Variants in NRG1 observed in about 807,000 individuals in gnomAD.
NRG1 encodes neuregulin 1.
NRG1 carries 18 observed loss-of-function variants against 63.8 expected under a neutral mutation model. The ratio of observed to expected loss-of-function variants is 0.28; its 90% CI spans 0.19 to 0.42. The LOEUF is 0.42. NRG1 is among the 10% of genes least tolerant of loss of function. The pLI is 1.00. For synonymous variants in NRG1, 302 were observed against 301.3 expected (o/e 1.00, Z -0.02); for missense variants, 762 against 814.7 (o/e 0.94, Z 0.79).
At position 31,962,660 on chromosome 8, in the gene NRG1, C is replaced by T. The variant is rs369693217; in HGVS notation, c.37+323229C>T. Among the ~76,000 whole-genome samples, 77 of 152,216 alleles carry T rather than the reference C, an allele frequency of 5.1e-4. No individual in the cohort carries two copies. In the South Asian group the frequency reaches 8.1e-3, roughly 16 times the overall value. The stretch of plus-strand genomic sequence containing the variant: ...CAATCCCTTGTCTAGGGAACCAGTT[C>T]GGATTAAACAAAATTTCAAAAATAC... On this transcript the variant is annotated intron_variant, in intron 1 of 10. Coordinates refer to the NRG1 transcript ENST00000519301.
chr8:32,435,426 G>A (rs1053061797), intron 1 of NRG1, among the ~76,000 whole-genome samples: 2 of 152,180 alleles, frequency 1.3e-5, no homozygotes, highest in Admixed American at 1.3e-4. Context: ...GCTTTGTGTA[G>A]GGTAATTGTT....
chr8:32,206,553 TAGAAA>T (rs1461765664), intron 1 of NRG1, among the ~76,000 whole-genome samples: 3 of 152,204 alleles, frequency 2.0e-5, no homozygotes, highest in Non-Finnish European at 4.4e-5. Context: ...TACTAATACT[TAGAAA>T]AGAAAAGTCT....
intron 1 of NRG1, among the ~76,000 whole-genome samples, chr8:31,913,578 G>C (rs1232194979): frequency 6.6e-6 from 1 of 152,136 alleles, no homozygotes; most frequent in African/African-American, 2.4e-5. Flanking sequence ...GTTACAGTCT[G>C]TGTTACCAAG....
In NRG1 at chr8:31,934,809, T is replaced by G. The variant is rs185341224; in HGVS notation, c.37+295378T>G. Among the ~76,000 whole-genome samples the G allele has an allele frequency of 2.4e-4, 36 of 152,338 alleles. No homozygotes were observed. In the East Asian group the frequency reaches 4.8e-3, roughly 20 times the overall value. ...TCAATTAATTCCAGAATGTTAAATT[T>G]CATGATGGCAAAAGTCATTATTAAT... On this transcript the variant is annotated intron_variant, in intron 1 of 10. Transcript: ENST00000519301.
chr8:32,713,636 AGTTTTCT>A (rs1439473193), intron 5 of NRG1, among the ~76,000 whole-genome samples: 3 of 148,612 alleles, frequency 2.0e-5, no homozygotes, highest in African/African-American at 7.4e-5. Flanking sequence ...GTGTGGCCAG[AGTTTTCT>A]GTTTTCTGTA....
At chr8:31,962,705 T>A (rs1272017219) in intron 1 of NRG1, among the ~76,000 whole-genome samples, 3 of 152,194 alleles carry the variant, frequency 2.0e-5, no homozygotes, top group Admixed American at 6.5e-5. Context: ...CAATATCTAA[T>A]TCATTTAAGT....
chr8:32,119,471 G>A (rs558948473), intron 1 of NRG1, among the ~76,000 whole-genome samples: 1 of 152,142 alleles, frequency 6.6e-6, no homozygotes, highest in East Asian at 1.9e-4. Flanking sequence ...CATCTTCTAA[G>A]TCAGTGTGGC....
intron 1 of NRG1, among the ~76,000 whole-genome samples, chr8:31,806,539 A>G (rs1478045961): frequency 6.6e-6 from 1 of 152,160 alleles, no homozygotes; most frequent in Non-Finnish European, 1.5e-5. Context: ...TAGATTACCT[A>G]TCTTCCAGTA....
At position 32,356,474 on chromosome 8, in the gene NRG1, A is replaced by ACCC. The variant is rs11426642; in HGVS notation, c.38-239346_38-239344dup. Among the ~76,000 whole-genome samples the ACCC allele has an allele frequency of 1.4e-3, 98 of 69,268 alleles. 1 individual carries two copies. Among genetic ancestry groups the ACCC allele is most frequent in the Middle Eastern group, 8.9e-3 (1 of 112 alleles). 45.4% of individuals were successfully genotyped at this position (69,268 alleles called of 152,430 possible). A position where few individuals can be genotyped will look rare whatever the true frequency, so the allele number is the denominator to read the frequency against. On this transcript the variant is annotated intron_variant, in intron 1 of 10. Transcript: ENST00000519301. ...AATCACACAGAGTTTCCTTGTTGGG[A>ACCC]CCCCCCCCCCACCCGCCGGGCCCCA...
Position 31,640,596 on chromosome 8 carries a change from G to A in NRG1, c.37+1165G>A. The A allele has an allele frequency of 6.2e-7, 1 of 1,612,206 alleles. No homozygotes were observed. The highest frequency in any genetic ancestry group is 8.5e-7 in the Non-Finnish European group (1 of 1,179,602). ...GCGGGAGGCTCAAGGAGGACAGCAGGTACATCTTCTTCATGGAGCCCGACG... is the reference window on the plus strand; with the variant it reads ...GCGGGAGGCTCAAGGAGGACAGCAGATACATCTTCTTCATGGAGCCCGACG... On this transcript the variant is annotated intron_variant, in intron 1 of 10. Transcript: ENST00000519301. The surrounding 1 kb of genome is among the most constrained non-coding windows in gnomAD (Gnocchi z 6.3).
At chr8:31,941,537 A>G (rs1801750616) in intron 1 of NRG1, among the ~76,000 whole-genome samples, 1 of 152,146 alleles carries the variant, frequency 6.6e-6, no homozygotes, top group South Asian at 2.1e-4. Context: ...CAGGAATCTT[A>G]GCCAGAGCAA....
intron 1 of NRG1, among the ~76,000 whole-genome samples, chr8:32,111,598 A>G (rs1176680198): frequency 6.6e-6 from 1 of 152,146 alleles, no homozygotes; most frequent in African/African-American, 2.4e-5. Context: ...TTGCAATCAC[A>G]TTGTGAGACA....
chr8:32,041,728 C>A (rs1419385135), intron 1 of NRG1, among the ~76,000 whole-genome samples: 1 of 152,092 alleles, frequency 6.6e-6, no homozygotes, highest in Non-Finnish European at 1.5e-5. Context: ...GTCACAAGAG[C>A]ATGTAACAGA....
At chr8:32,672,549 T>TG (rs1187395605) in intron 5 of NRG1, among the ~76,000 whole-genome samples, 1 of 152,198 alleles carries the variant, frequency 6.6e-6, no homozygotes, top group African/African-American at 2.4e-5. Context: ...TAAATCCAAA[T>TG]GTCCATGATT....
At chr8:32,521,321 T>C (rs1830323077) in intron 1 of NRG1, among the ~76,000 whole-genome samples, 1 of 152,152 alleles carries the variant, frequency 6.6e-6, no homozygotes, top group South Asian at 2.1e-4. Flanking sequence ...TGACAACACA[T>C]AGGTGTATTA....
At chr8:32,692,376 A>G (rs1476775619) in intron 5 of NRG1, among the ~76,000 whole-genome samples, 1 of 152,194 alleles carries the variant, frequency 6.6e-6, no homozygotes, top group Middle Eastern at 3.2e-3. Flanking sequence ...TCTGTCATGT[A>G]GGGTCTTTGC....
At chr8:31,989,234 T>TGA (rs1390737511) in intron 1 of NRG1, among the ~76,000 whole-genome samples, 1 of 76,164 alleles carries the variant, frequency 1.3e-5, no homozygotes, top group Admixed American at 2.2e-4. Flanking sequence ...CCAACCTGGG[T>TGA]GAGAGAGAGA....
intron 5 of NRG1, among the ~76,000 whole-genome samples, chr8:32,638,582 C>G (rs1336867566): frequency 6.6e-6 from 1 of 152,164 alleles, no homozygotes; most frequent in Admixed American, 6.5e-5. Context: ...CCTGCCTCAT[C>G]CTCCCTAGTA....
chr8:31,673,719 A>G (rs1807389177), intron 1 of NRG1, among the ~76,000 whole-genome samples: 1 of 152,184 alleles, frequency 6.6e-6, no homozygotes, highest in African/African-American at 2.4e-5. Flanking sequence ...GCATGACGTC[A>G]GAATAAGTGG....
Sources: allele counts gnomAD v4.1 joint callset (sites outside exome capture counted in the v4.1 genomes callset), GRCh38; gene constraint gnomAD v4.1.1; non-coding constraint Gnocchi (gnomAD v3.1); transcripts MANE v1.5; gene names NCBI Gene and HGNC (gene_info 2026-07-23, HGNC 2026-07-21).